Variants in FOXQ1 observed in about 807,000 individuals in gnomAD.
The protein encoded by FOXQ1 is forkhead box protein Q1.
In FOXQ1, 1 loss-of-function variant was observed where a neutral mutation model predicts 0.6. That is an observed-to-expected ratio of 1.73 (90% CI 0.61 to 8.20). The LOEUF is 8.20. Ranked by LOEUF, FOXQ1 falls within the 30% of genes most tolerant of loss-of-function variation. The pLI is 0.13. For missense variants in FOXQ1, 734 were observed against 595.6 expected (o/e 1.23, Z -2.42); for synonymous variants, 377 against 294.4 (o/e 1.28, Z -2.87).
Position 1,314,735 on chromosome 6 carries a change from AAC to A in FOXQ1, c.*821_*822del, listed in dbSNP as rs1369944436. On this transcript the variant is annotated 3_prime_UTR_variant, in exon 1 of 1. Transcript: ENST00000296839. ...AAGCATAGTGCTTATTTTTTAATAA[AAC>A]AACTGACTTAACACATTGTGATGAT... 3.0e-5 allele frequency: 5 copies of A among 166,614 alleles called. No individual in the cohort carries two copies. Among genetic ancestry groups the A allele is most frequent in the Non-Finnish European group, 7.3e-5 (5 of 68,126 alleles). 10.3% of individuals were successfully genotyped at this position (166,614 alleles called of 1,614,324 possible).
At position 1,312,851 on chromosome 6, in the gene FOXQ1, C is replaced by A; in HGVS notation, c.147C>A (p.Asn49Lys). The A allele has an allele frequency of 7.8e-7, 1 of 1,277,576 alleles. No homozygotes were observed. The highest frequency in any genetic ancestry group is 2.7e-5 in the South Asian group (1 of 36,940). 79.1% of individuals were successfully genotyped at this position (1,277,576 alleles called of 1,614,324 possible). A position where few individuals can be genotyped will look rare whatever the true frequency, so the allele number is the denominator to read the frequency against. The change falls in exon 1 of 1, where the codon AAC becomes AAA. Residue 49 changes from asparagine to lysine, a missense_variant. By Grantham distance (94) the Asn-to-Lys change is moderately conservative (BLOSUM62 0). Transcript: ENST00000296839. ...GCTCAGATGGGGACTGCGCGGCCAA[C>A]AGCCCGGCCGCGGGCGGCGGCGCCA... ...SLGSDGDCAANSPAAGGGARD... is the reference protein window; with the variant it reads ...SLGSDGDCAAKSPAAGGGARD...
rs566840319 is a variant in FOXQ1, at chr6:1,313,143, G to A, written c.439G>A (p.Glu147Lys). 1 of 1,609,210 alleles carries A rather than the reference G, an allele frequency of 6.2e-7. No individual in the cohort carries two copies. The highest frequency in any genetic ancestry group is 8.5e-7 in the Non-Finnish European group (1 of 1,178,198). ...GCGCTTGACGCTGGCGGAGATCAAC[G>A]AGTACCTCATGGGCAAGTTCCCCTT... ...GGRLTLAEIN[E>K]YLMGKFPFFR... Residue 147 changes from glutamate (E) to lysine (K), a missense_variant, in exon 1 of 1, where the codon GAG becomes AAG. Physicochemically the swap from Glu to Lys is moderately conservative, Grantham distance 56. Transcript: ENST00000296839. The surrounding 1 kb of genome is among the most constrained non-coding windows in gnomAD (Gnocchi z 5.2).
chr6:1,313,063 C>A lies in FOXQ1; in HGVS notation c.359C>A (p.Pro120His). The change falls in exon 1 of 1, where the codon CCC (proline) becomes CAC (histidine). Residue 120 changes from proline (P) to histidine (H), a missense_variant. Physicochemically the swap from Pro to His is moderately conservative, Grantham distance 77 (BLOSUM62 -2). Coordinates refer to ENST00000296839, the MANE Select transcript of FOXQ1 (RefSeq NM_033260.4). The surrounding 1 kb of genome is among the most constrained non-coding windows in gnomAD (Gnocchi z 5.2). ...AAGCCATATACGCGGCGGCCCAAGC[C>A]CCCCTACTCGTACATCGCGCTCATC... ...RSKPYTRRPK[P>H]PYSYIALIAM... 1 of 1,600,392 alleles carries A rather than the reference C, an allele frequency of 6.2e-7. No individual in the cohort carries two copies. The highest frequency in any genetic ancestry group is 8.5e-7 in the Non-Finnish European group (1 of 1,173,692).
rs1460570998 is a variant in FOXQ1, at chr6:1,314,744, CTT to C, written c.*829_*830del. ...GCTTATTTTTTAATAAAACAACTGA[CTT>C]AACACATTGTGATGATGGGTTGGAA... On this transcript the variant is annotated 3_prime_UTR_variant, in exon 1 of 1. Coordinates refer to ENST00000296839, the MANE Select transcript of FOXQ1 (RefSeq NM_033260.4). 1.0e-4 allele frequency: 17 copies of C among 166,104 alleles called. No homozygotes were observed. Among genetic ancestry groups the C allele is most frequent in the Non-Finnish European group, 1.2e-4 (8 of 68,106 alleles). The allele number at this position is 166,104 out of a possible 1,614,324, so 10.3% of individuals were successfully genotyped here.
In FOXQ1 at chr6:1,312,633, C is replaced by A. The variant is rs1019405107; in HGVS notation, c.-72C>A. ...CCCGGCCCCGGATCGCCATCCCCTT[C>A]CCTGGCACCAGCTTCTCTAGGCTGC... On this transcript the variant is annotated 5_prime_UTR_variant, in exon 1 of 1. Coordinates refer to ENST00000296839, the MANE Select transcript of FOXQ1 (RefSeq NM_033260.4). The A allele has an allele frequency of 1.6e-6, 2 of 1,275,906 alleles. No individual in the cohort carries two copies. The highest frequency in any genetic ancestry group is 3.1e-5 in the African/African-American group (2 of 64,656). The allele number at this position is 1,275,906 out of a possible 1,614,324, so 79.0% of individuals were successfully genotyped here.
At position 1,312,725 on chromosome 6, in the gene FOXQ1, C is replaced by T. The variant is rs1757567075; in HGVS notation, c.21C>T (p.Val7=). The stretch of plus-strand genomic sequence containing the variant: ...CGGGCATGAAGTTGGAGGTGTTCGT[C>T]CCTCGCGCGGCCCACGGGGACAAGC... MKLEVF[V]PRAAHGDKQG... The change falls in exon 1 of 1, where the codon GTC becomes GTT. Residue 7 remains valine, a synonymous_variant. Coordinates refer to ENST00000296839, the MANE Select transcript of FOXQ1 (RefSeq NM_033260.4). 2.2e-6 allele frequency: 3 copies of T among 1,357,044 alleles called. No homozygotes were observed. Among genetic ancestry groups the T allele is most frequent in the South Asian group, 3.7e-5 (2 of 54,470 alleles). 84.1% of individuals were successfully genotyped at this position (1,357,044 alleles called of 1,614,324 possible).
rs1465937220 is a variant in FOXQ1, at chr6:1,312,141, G to A, written c.-564G>A. On this transcript the variant is annotated 5_prime_UTR_variant, in exon 1 of 1. Coordinates refer to ENST00000296839, the MANE Select transcript of FOXQ1 (RefSeq NM_033260.4). ...GCCAGCGGGGAGATGCTGCCCCGGA[G>A]GCTGGGAGCGGGAAGGCGGCTGCGG... 1.3e-5 allele frequency among the ~76,000 whole-genome samples: 2 copies of A among 152,228 alleles called. No homozygotes were observed. The highest frequency in any genetic ancestry group is 2.9e-5 in the Non-Finnish European group (2 of 68,042).
In FOXQ1 at chr6:1,312,718, T is replaced by C; in HGVS notation, c.14T>C (p.Val5Ala). 2 of 1,357,068 alleles carry C rather than the reference T, an allele frequency of 1.5e-6. No homozygotes were observed. The highest frequency in any genetic ancestry group is 1.9e-6 in the Non-Finnish European group (2 of 1,057,828). 84.1% of individuals were successfully genotyped at this position (1,357,068 alleles called of 1,614,324 possible). ...GGGTGCGCGGGCATGAAGTTGGAGG[T>C]GTTCGTCCCTCGCGCGGCCCACGGG... is the stretch of plus-strand genomic sequence containing the variant. MKLE[V>A]FVPRAAHGDK... The change falls in exon 1 of 1, where the codon GTG becomes GCG. Residue 5 changes from valine to alanine, a missense_variant. Val to Ala is a moderately conservative substitution (Grantham distance 64). Transcript: ENST00000296839.
rs1757602033 is a variant in FOXQ1, at chr6:1,314,033, T to C, written c.*117T>C. ...GGAAGATGAATTTTTAAAATCTCCATCAAACGTGCCTTAAAGCTAAAGCAT... is the reference window on the plus strand; with the variant it reads ...GGAAGATGAATTTTTAAAATCTCCACCAAACGTGCCTTAAAGCTAAAGCAT... On this transcript the variant is annotated 3_prime_UTR_variant, in exon 1 of 1. Transcript: ENST00000296839. 1 of 1,184,126 alleles carries C rather than the reference T, an allele frequency of 8.4e-7. No individual in the cohort carries two copies. The highest frequency in any genetic ancestry group is 4.4e-5 in the Admixed American group (1 of 22,598). 73.4% of individuals were successfully genotyped at this position (1,184,126 alleles called of 1,614,324 possible). A position where few individuals can be genotyped will look rare whatever the true frequency, so the allele number is the denominator to read the frequency against.
In FOXQ1 at chr6:1,313,202, C is replaced by T. The variant is rs752091330; in HGVS notation, c.498C>T (p.Ser166=). 8.1e-6 allele frequency: 13 copies of T among 1,609,834 alleles called. No homozygotes were observed. The East Asian group carries it at 1.8e-4, about 22-fold the overall frequency. ...GCAGCTACACGGGCTGGCGCAACTC[C>T]GTGCGCCACAACCTTTCGCTCAACG... ...FRGSYTGWRN[S]VRHNLSLNDC... is the part of the protein sequence containing the mutation. Residue 166 remains serine (S), a synonymous_variant, in exon 1 of 1, where the codon TCC becomes TCT. Coordinates refer to ENST00000296839, the MANE Select transcript of FOXQ1 (RefSeq NM_033260.4). This position sits in a 1 kb window ranked among gnomAD's most constrained non-coding sequence, Gnocchi z 5.2.
Position 1,312,965 on chromosome 6 carries a change from GGCGGAGGGC to G in FOXQ1, c.269_277del (p.Gly90_Glu92del), listed in dbSNP as rs762224760. Reference sequence around the variant, plus strand: ...CGGCAGCAGCTGCTGCAGCGGTGGTGGCGGAGGGCGCGGAGGCCGGGGCGGCGGGGCCAG... The same window carrying G: ...CGGCAGCAGCTGCTGCAGCGGTGGTGGCGGAGGCCGGGGCGGCGGGGCCAG... On this transcript the variant is annotated inframe_deletion, in exon 1 of 1. Coordinates refer to ENST00000296839, the MANE Select transcript of FOXQ1 (RefSeq NM_033260.4). The G allele has an allele frequency of 6.2e-6, 8 of 1,283,570 alleles. No individual in the cohort carries two copies. The South Asian group carries it at 1.2e-4, about 19-fold the overall frequency. The allele number at this position is 1,283,570 out of a possible 1,614,324, so 79.5% of individuals were successfully genotyped here. A position where few individuals can be genotyped will look rare whatever the true frequency, so the allele number is the denominator to read the frequency against.
At position 1,312,234 on chromosome 6, in the gene FOXQ1, G is replaced by A. The variant is rs1479742701; in HGVS notation, c.-471G>A. 1.3e-5 allele frequency among the ~76,000 whole-genome samples: 2 copies of A among 152,228 alleles called. No individual in the cohort carries two copies. Among genetic ancestry groups the A allele is most frequent in the Non-Finnish European group, 2.9e-5 (2 of 68,038 alleles). ...TGAAGGCGCCGGACCTTCCCCCACG[G>A]TGGCACGCACATCATCCGGCACCAT... On this transcript the variant is annotated 5_prime_UTR_variant, in exon 1 of 1. It adds an upstream start codon to the 5' untranslated region. Transcript: ENST00000296839.
In FOXQ1 at chr6:1,313,606, C is replaced by T. The variant is rs1448532180; in HGVS notation, c.902C>T (p.Pro301Leu). ...PGTTLQWGAA[P>L]CPPLPAFPAL... ...ACGACGCTTCAGTGGGGCGCCGCGC[C>T]CTGCCCGCCGCTGCCCGCGTTCCCC... is the stretch of plus-strand genomic sequence containing the variant. The change falls in exon 1 of 1, where the codon CCC becomes CTC. Residue 301 changes from proline to leucine, a missense_variant. By Grantham distance (98) the Pro-to-Leu change is moderately conservative. Transcript: ENST00000296839. The surrounding 1 kb of genome is among the most constrained non-coding windows in gnomAD (Gnocchi z 5.2). 6.2e-6 allele frequency: 7 copies of T among 1,125,946 alleles called. No individual in the cohort carries two copies. In the Admixed American group the frequency reaches 2.9e-4, roughly 46 times the overall value. 69.7% of individuals were successfully genotyped at this position (1,125,946 alleles called of 1,614,324 possible).
chr6:1,313,772 G>T lies in FOXQ1; in HGVS notation c.1068G>T (p.Ala356=). The change falls in exon 1 of 1, where the codon GCG becomes GCT. Residue 356 remains alanine, a synonymous_variant. Transcript: ENST00000296839. The surrounding 1 kb of genome is among the most constrained non-coding windows in gnomAD (Gnocchi z 5.2). Reference sequence around the variant, plus strand: ...TCCTGCTTGCACCTCTCCCGGCGGCGGCCCCCGCCAAGCCACTCCGAGGCC... The same window carrying T: ...TCCTGCTTGCACCTCTCCCGGCGGCTGCCCCCGCCAAGCCACTCCGAGGCC... ...PPLLLAPLPA[A]APAKPLRGPA... 8.1e-7 allele frequency: 1 copy of T among 1,237,726 alleles called. No individual in the cohort carries two copies. The highest frequency in any genetic ancestry group is 1.0e-6 in the Non-Finnish European group (1 of 993,208). The allele number at this position is 1,237,726 out of a possible 1,614,324, so 76.7% of individuals were successfully genotyped here.
chr6:1,312,692 TG>T lies in FOXQ1; in HGVS notation c.-10del. 1.5e-6 allele frequency: 2 copies of T among 1,332,040 alleles called. No individual in the cohort carries two copies. Among genetic ancestry groups the T allele is most frequent in the Non-Finnish European group, 1.9e-6 (2 of 1,043,866 alleles). 82.5% of individuals were successfully genotyped at this position (1,332,040 alleles called of 1,614,324 possible). ...AGAGGGTACGACGCCGGGGAGGGACTGGGTGCGCGGGCATGAAGTTGGAGGT... is the reference window on the plus strand; with the variant it reads ...AGAGGGTACGACGCCGGGGAGGGACTGGTGCGCGGGCATGAAGTTGGAGGT... On this transcript the variant is annotated 5_prime_UTR_variant, in exon 1 of 1. Coordinates refer to ENST00000296839, the MANE Select transcript of FOXQ1 (RefSeq NM_033260.4).
Position 1,312,868 on chromosome 6 carries a change from GCGGCGCCAGAGATACGCAGGGCGA to G in FOXQ1, c.170_193del (p.Ala57_Gly64del), listed in dbSNP as rs1757571076. 2 of 1,276,874 alleles carry G rather than the reference GCGGCGCCAGAGATACGCAGGGCGA, an allele frequency of 1.6e-6. No individual in the cohort carries two copies. The highest frequency in any genetic ancestry group is 2.8e-5 in the South Asian group (1 of 36,044). 79.1% of individuals were successfully genotyped at this position (1,276,874 alleles called of 1,614,324 possible). ...GCGGCCAACAGCCCGGCCGCGGGCGGCGGCGCCAGAGATACGCAGGGCGACGGCGAACAGAGTGCGGGAGGCGGG... is the reference window on the plus strand; with the variant it reads ...GCGGCCAACAGCCCGGCCGCGGGCGGCGGCGAACAGAGTGCGGGAGGCGGG... On this transcript the variant is annotated inframe_deletion, in exon 1 of 1. Coordinates refer to ENST00000296839, the MANE Select transcript of FOXQ1 (RefSeq NM_033260.4).
rs369399907 is a variant in FOXQ1 at position 1,312,697 on chromosome 6, G to C, written c.-8G>C. The C allele has an allele frequency of 2.2e-6, 3 of 1,343,828 alleles. No homozygotes were observed. In the African/African-American group the frequency reaches 4.6e-5, roughly 20 times the overall value. 83.2% of individuals were successfully genotyped at this position (1,343,828 alleles called of 1,614,324 possible). A position where few individuals can be genotyped will look rare whatever the true frequency, so the allele number is the denominator to read the frequency against. On this transcript the variant is annotated 5_prime_UTR_variant, in exon 1 of 1. Transcript: ENST00000296839. ...GTACGACGCCGGGGAGGGACTGGGT[G>C]CGCGGGCATGAAGTTGGAGGTGTTC...
In FOXQ1 at chr6:1,312,304, G is replaced by A. The variant is rs1757559199; in HGVS notation, c.-401G>A. 6.1e-6 allele frequency: 1 copy of A among 163,814 alleles called. No individual in the cohort carries two copies. Among genetic ancestry groups the A allele is most frequent in the African/African-American group, 2.4e-5 (1 of 41,938 alleles). The allele number at this position is 163,814 out of a possible 1,614,324, so 10.1% of individuals were successfully genotyped here. A position where few individuals can be genotyped will look rare whatever the true frequency, so the allele number is the denominator to read the frequency against. On this transcript the variant is annotated 5_prime_UTR_variant, in exon 1 of 1. Coordinates refer to ENST00000296839, the MANE Select transcript of FOXQ1 (RefSeq NM_033260.4). ...CCGCGCGGGACCTGGGACCGCCAGTGAAGAACCCCTCCTGGGCTCTTTAAC... is the reference window on the plus strand; with the variant it reads ...CCGCGCGGGACCTGGGACCGCCAGTAAAGAACCCCTCCTGGGCTCTTTAAC...
Position 1,313,630 on chromosome 6 carries a change from CCGCGCTCCT to C in FOXQ1, c.928_936del (p.Ala310_Leu312del). 1.8e-6 allele frequency: 2 copies of C among 1,093,304 alleles called. No homozygotes were observed. Among genetic ancestry groups the C allele is most frequent in the Non-Finnish European group, 2.2e-6 (2 of 898,862 alleles). 67.7% of individuals were successfully genotyped at this position (1,093,304 alleles called of 1,614,324 possible). A position where few individuals can be genotyped will look rare whatever the true frequency, so the allele number is the denominator to read the frequency against. On this transcript the variant is annotated inframe_deletion, in exon 1 of 1. Transcript: ENST00000296839. The surrounding 1 kb of genome is among the most constrained non-coding windows in gnomAD (Gnocchi z 5.2). ...CCCTGCCCGCCGCTGCCCGCGTTCC[CCGCGCTCCT>C]CCCCGCGGCGCCCTGCAGGGCCCTG...
Sources: gnomAD v4.1 joint callset for allele counts (sites outside exome capture counted in the v4.1 genomes callset) on GRCh38, gnomAD v4.1.1 for gene constraint, Gnocchi (gnomAD v3.1) non-coding constraint, MANE v1.5 for transcripts, NCBI Gene and HGNC (gene_info 2026-07-23, HGNC 2026-07-21) for gene names.